Variants in ZNF226 observed in about 807,000 individuals in gnomAD.
ZNF226 encodes the protein Kruppel-associated box protein.
In ZNF226, 6 loss-of-function variants were observed where a neutral mutation model predicts 11.4. The observed-to-expected ratio is 0.53, with a 90% CI of 0.29 to 1.04. The LOEUF is 1.04. ZNF226 is among the 50% of genes least tolerant of loss of function. The probability of loss-of-function intolerance (pLI) is 0.08; values close to 1 mark genes in which losing one functional copy is unlikely to be tolerated. For synonymous variants in ZNF226, 350 were observed against 322.8 expected (o/e 1.08, Z -0.90); for missense variants, 1,058 against 956.5 (o/e 1.11, Z -1.40).
chr19:44,168,814 A>C (rs368689608), intron 2 of ZNF226, among the ~76,000 whole-genome samples: 6 of 152,188 alleles, frequency 3.9e-5, no homozygotes, highest in African/African-American at 1.4e-4. Flanking sequence ...CTTTGAGACT[A>C]TGTAGCCATC....
At chr19:44,175,217 A>G in intron 5 of ZNF226, 1 of 1,406,908 alleles carries the variant, frequency 7.1e-7, no homozygotes. Flanking sequence ...ATATTATGGT[A>G]GGAAAGACAT....
the ZNF226 span, among the ~76,000 whole-genome samples, chr19:44,195,624 G>T: frequency 6.6e-6 from 1 of 152,226 alleles, no homozygotes; most frequent in Non-Finnish European, 1.5e-5. Context: ...GTAGTTCAAG[G>T]TTGGACAGCC....
chr19:44,182,969 A>G (rs375950469), downstream of ZNF226, among the ~76,000 whole-genome samples: 22 of 152,334 alleles, frequency 1.4e-4, no homozygotes, highest in South Asian at 2.5e-3. Context: ...AGGCAATTAC[A>G]TAATGTGAAT....
chr19:44,167,610 G>A (rs1350813452), intron 2 of ZNF226, among the ~76,000 whole-genome samples: 2 of 151,990 alleles, frequency 1.3e-5, no homozygotes, highest in African/African-American at 2.4e-5. Context: ...ATGAGCCACC[G>A]TGCCCAGCCA....
Position 44,176,690 on chromosome 19 carries a change from ATGTAC to A in ZNF226, c.1433_1437del (p.Thr478MetfsTer28). The stretch of plus-strand genomic sequence containing the variant: ...TTCACACTGGAGAGAAGTCATACAT[ATGTAC>A]TGTATGTGGGAAAGGCTTTACTCTG... On this transcript the variant is annotated frameshift_variant, in exon 6 of 6. Transcript: ENST00000337433. LOFTEE classifies it low-confidence loss of function (END_TRUNC). 1 of 1,613,760 alleles carries A rather than the reference ATGTAC, an allele frequency of 6.2e-7. No individual in the cohort carries two copies. Among genetic ancestry groups the A allele is most frequent in the South Asian group, 1.1e-5 (1 of 91,068 alleles).
chr19:44,175,562 T>C lies in ZNF226; in HGVS notation c.300T>C (p.Cys100=). ...GAGAATCAGAAGAAGAGCTTTCTTG[T>C]TGGCAAATCTGGCAACAAATTGCAA... ...QDRESEEELS[C]WQIWQQIAND... Residue 100 remains cysteine (C), a synonymous_variant, in exon 6 of 6, where the codon TGT becomes TGC. Coordinates refer to ENST00000337433, the MANE Select transcript of ZNF226 (RefSeq NM_001032373.2). The C allele has an allele frequency of 1.2e-6, 2 of 1,612,624 alleles. No individual in the cohort carries two copies. The highest frequency in any genetic ancestry group is 1.7e-6 in the Non-Finnish European group (2 of 1,179,470).
the ZNF226 span, among the ~76,000 whole-genome samples, chr19:44,184,100 T>A: frequency 6.6e-6 from 1 of 152,208 alleles, no homozygotes; most frequent in Admixed American, 6.5e-5. Flanking sequence ...GCCACAGAGA[T>A]CATGTGATCT....
chr19:44,187,519 G>A, the ZNF226 span, among the ~76,000 whole-genome samples: 1 of 151,084 alleles, frequency 6.6e-6, no homozygotes, highest in African/African-American at 2.4e-5. The surrounding 1 kb of genome is among the most constrained non-coding windows in gnomAD (Gnocchi z 4.0). Flanking sequence ...TCTTAATCTA[G>A]CTAAGAAATT....
At chr19:44,183,047 C>T (rs1037478644), downstream of ZNF226, among the ~76,000 whole-genome samples, 4 of 152,144 alleles carry the variant, frequency 2.6e-5, no homozygotes, top group East Asian at 1.9e-4. Flanking sequence ...TACACTGATA[C>T]GCTGCCGAAA....
the ZNF226 span, among the ~76,000 whole-genome samples, chr19:44,191,751 A>C: frequency 1.6e-4 from 24 of 152,100 alleles, no homozygotes; most frequent in Non-Finnish European, 7.4e-5. Context: ...GCAAATACAG[A>C]ACATTACATG....
chr19:44,170,542 C>T (rs990439592), intron 3 of ZNF226, among the ~76,000 whole-genome samples: 2 of 152,142 alleles, frequency 1.3e-5, no homozygotes, highest in Non-Finnish European at 1.5e-5. Context: ...CGAGACCATC[C>T]TGGCTAACAT....
At chr19:44,168,555 C>T (rs981466044) in intron 2 of ZNF226, among the ~76,000 whole-genome samples, 14 of 152,054 alleles carry the variant, frequency 9.2e-5, no homozygotes, top group Admixed American at 4.6e-4. Context: ...TTTTTGCTCT[C>T]GATATCTTTC....
At position 44,176,057 on chromosome 19, in the gene ZNF226, C is replaced by T; in HGVS notation, c.795C>T (p.Ser265=). 6.2e-7 allele frequency: 1 copy of T among 1,614,150 alleles called. No homozygotes were observed. The highest frequency in any genetic ancestry group is 8.5e-7 in the Non-Finnish European group (1 of 1,180,006). The change falls in exon 6 of 6, where the codon TCC becomes TCT. Residue 265 remains serine (S), a synonymous_variant. Transcript: ENST00000337433. Reference sequence around the variant, plus strand: ...GTAAAAAACCCTTCAGTGATCTCTCCAGCTTTGATCTTCATCAGCAGTTAC... The same window carrying T: ...GTAAAAAACCCTTCAGTGATCTCTCTAGCTTTGATCTTCATCAGCAGTTAC... ...NECKKPFSDL[S]SFDLHQQLQS...
intron 2 of ZNF226, among the ~76,000 whole-genome samples, chr19:44,168,706 T>C (rs1969693050): frequency 6.6e-6 from 1 of 152,064 alleles, no homozygotes; most frequent in South Asian, 2.1e-4. Context: ...ATCATAGGAG[T>C]CAAATGTTGG....
chr19:44,171,713 T>A (rs1970112144), intron 3 of ZNF226, among the ~76,000 whole-genome samples: 1 of 152,194 alleles, frequency 6.6e-6, no homozygotes, highest in East Asian at 1.9e-4. Flanking sequence ...TGACATGCCC[T>A]TTAGGTTTGT....
rs185225542 is a variant in ZNF226 at position 44,165,159 on chromosome 19, C to G, written c.-98+17C>G. The G allele has an allele frequency of 6.6e-6, 1 of 152,146 alleles. No homozygotes were observed. The highest frequency in any genetic ancestry group is 1.5e-5 in the Non-Finnish European group (1 of 68,056). 9.4% of individuals were successfully genotyped at this position (152,146 alleles called of 1,614,324 possible). A position where few individuals can be genotyped will look rare whatever the true frequency, so the allele number is the denominator to read the frequency against. ...GTGATTCAGGTCAGCTTCTCAGGAACCTTTCAAACTTCCCCGAAATGCACT... is the reference window on the plus strand; with the variant it reads ...GTGATTCAGGTCAGCTTCTCAGGAAGCTTTCAAACTTCCCCGAAATGCACT... On this transcript the variant is annotated intron_variant, in intron 1 of 5. Transcript: ENST00000337433.
the ZNF226 span, among the ~76,000 whole-genome samples, chr19:44,186,131 C>T: frequency 2.0e-5 from 3 of 151,878 alleles, no homozygotes; most frequent in Non-Finnish European, 4.4e-5. Flanking sequence ...GCCAGTACCA[C>T]GTCATGTTAA....
chr19:44,180,352 G>C (rs1970889176), downstream of ZNF226, among the ~76,000 whole-genome samples: 1 of 152,162 alleles, frequency 6.6e-6, no homozygotes, highest in South Asian at 2.1e-4. Flanking sequence ...ATATATCTGT[G>C]AGGTTTCCAC....
At chr19:44,168,825 T>G (rs1266770366) in intron 2 of ZNF226, among the ~76,000 whole-genome samples, 19 of 152,110 alleles carry the variant, frequency 1.2e-4, no homozygotes. Context: ...TGTAGCCATC[T>G]TATTCCTCAC....
Sources: gnomAD v4.1 joint callset for allele counts (sites outside exome capture counted in the v4.1 genomes callset) on GRCh38, gnomAD v4.1.1 for gene constraint, Gnocchi (gnomAD v3.1) non-coding constraint, MANE v1.5 for transcripts, NCBI Gene and HGNC (gene_info 2026-07-23, HGNC 2026-07-21) for gene names.